The following PLCL1 variants were observed in gnomAD, a reference collection of about 807,000 sequenced individuals.
PLCL1 encodes phospholipase C like 1 (inactive).
Under a neutral mutation model 84.4 loss-of-function variants are expected in PLCL1, and 41 were observed. The observed-to-expected ratio is 0.49, with a 90% CI of 0.38 to 0.63. The LOEUF is 0.63. Ranked by LOEUF, PLCL1 falls within the 30% of genes least tolerant of loss-of-function variation. PLCL1 has a pLI of 0.00. For synonymous variants in PLCL1, 490 were observed against 488.3 expected, an observed-to-expected ratio of 1.00 and a Z score of -0.05; for missense variants, 1,206 against 1,367.8, an observed-to-expected ratio of 0.88 and a Z score of 1.87.
In PLCL1 at chr2:197,805,199, G is replaced by C; in HGVS notation, c.100G>C (p.Val34Leu). 2 of 1,276,922 alleles carry C rather than the reference G, an allele frequency of 1.6e-6. No individual in the cohort carries two copies. The highest frequency in any genetic ancestry group is 2.0e-6 in the Non-Finnish European group (2 of 1,013,762). 79.1% of individuals were successfully genotyped at this position (1,276,922 alleles called of 1,614,324 possible). Reference protein sequence around the residue: ...RVGPDAAGDCVTAASGGRMRD... With the variant: ...RVGPDAAGDCLTAASGGRMRD... ...GGGCCCGGATGCCGCCGGGGACTGC[G>C]TGACGGCGGCCTCTGGGGGCCGGAT... Residue 34 changes from valine (V) to leucine (L), a missense_variant, in exon 1 of 6, where the codon GTG becomes CTG. Transcript: ENST00000428675. The surrounding 1 kb of genome is among the most constrained non-coding windows in gnomAD (Gnocchi z 4.0).
At chr2:198,082,946 C>T (rs1363217268) in intron 1 of PLCL1, among the ~76,000 whole-genome samples, 2 of 152,144 alleles carry the variant, frequency 1.3e-5, no homozygotes, top group Non-Finnish European at 2.9e-5. Flanking sequence ...AACTGGAATT[C>T]TGTAACACTA....
intron 1 of PLCL1, among the ~76,000 whole-genome samples, chr2:198,042,414 T>C (rs1009665171): frequency 6.6e-6 from 1 of 152,222 alleles, no homozygotes; most frequent in Non-Finnish European, 1.5e-5. Context: ...GCACACCAGC[T>C]GAACCGGAAG....
intron 5 of PLCL1, among the ~76,000 whole-genome samples, chr2:198,131,101 C>T (rs551503691): frequency 6.6e-6 from 1 of 152,136 alleles, no homozygotes; most frequent in East Asian, 1.9e-4. Flanking sequence ...TCTCCACTTC[C>T]TCAGTGGCAC....
chr2:198,038,977 G>T (rs968985413), intron 1 of PLCL1, among the ~76,000 whole-genome samples: 2 of 152,070 alleles, frequency 1.3e-5, no homozygotes, highest in African/African-American at 4.8e-5. Context: ...ATATGAAAAG[G>T]TATTTCCACC....
At chr2:198,036,397 T>C (rs1175938050) in intron 1 of PLCL1, among the ~76,000 whole-genome samples, 1 of 152,216 alleles carries the variant, frequency 6.6e-6, no homozygotes, top group Non-Finnish European at 1.5e-5. Flanking sequence ...TAAGTTGAGA[T>C]GCTAGAGAAG....
chr2:198,034,486 CAAT>C (rs1691506645), intron 1 of PLCL1, among the ~76,000 whole-genome samples: 1 of 152,114 alleles, frequency 6.6e-6, no homozygotes, highest in Non-Finnish European at 1.5e-5. Context: ...AAATGTCCAA[CAAT>C]GATAGACTGG....
intron 1 of PLCL1, among the ~76,000 whole-genome samples, chr2:197,979,436 C>T (rs1473629918): frequency 6.6e-6 from 1 of 152,164 alleles, no homozygotes; most frequent in Non-Finnish European, 1.5e-5. Flanking sequence ...ATTACAAGAC[C>T]TCTGAAATCT....
chr2:197,887,549 A>T (rs1407689153), intron 1 of PLCL1, among the ~76,000 whole-genome samples: 5 of 152,152 alleles, frequency 3.3e-5, no homozygotes, highest in Non-Finnish European at 5.9e-5. Context: ...TTTTTCCTAT[A>T]CCATGGTCAA....
intron 1 of PLCL1, among the ~76,000 whole-genome samples, chr2:197,846,773 A>G (rs1687126555): frequency 1.3e-5 from 2 of 152,174 alleles, no homozygotes; most frequent in African/African-American, 2.4e-5. Flanking sequence ...AGGGTGAGAA[A>G]GCAACGAAGT....
chr2:198,112,370 G>T (rs1190786024), intron 5 of PLCL1, among the ~76,000 whole-genome samples: 2 of 151,832 alleles, frequency 1.3e-5, no homozygotes, highest in African/African-American at 2.4e-5. Context: ...AGCCCAGCCA[G>T]CCTCCTCTTG....
intron 1 of PLCL1, among the ~76,000 whole-genome samples, chr2:197,812,960 A>T (rs1015209239): frequency 6.6e-6 from 1 of 152,160 alleles, no homozygotes; most frequent in African/African-American, 2.4e-5. Flanking sequence ...TAACCTGTAT[A>T]CTTAAAGCCC....
intron 1 of PLCL1, among the ~76,000 whole-genome samples, chr2:198,077,341 A>AAAT (rs572434260): frequency 3.4e-4 from 51 of 152,194 alleles, no homozygotes; most frequent in Admixed American, 7.2e-4. Context: ...TAATAATAAA[A>AAAT]AATAATAATA....
At chr2:197,992,218 C>A (rs543970064) in intron 1 of PLCL1, among the ~76,000 whole-genome samples, 2 of 152,188 alleles carry the variant, frequency 1.3e-5, no homozygotes, top group Admixed American at 1.3e-4. Context: ...ATTTTTAAAA[C>A]TGTGGCAAAA....
chr2:197,832,978 C>G (rs765546111), intron 1 of PLCL1, among the ~76,000 whole-genome samples: 3 of 152,122 alleles, frequency 2.0e-5, no homozygotes, highest in Admixed American at 1.3e-4. Flanking sequence ...GCCTGTGATC[C>G]CAGCACTTTG....
chr2:198,135,919 C>T (rs1298037989), intron 5 of PLCL1, among the ~76,000 whole-genome samples: 1 of 152,102 alleles, frequency 6.6e-6, no homozygotes, highest in Non-Finnish European at 1.5e-5. Context: ...AATGTTGTAG[C>T]CTCTAAATTA....
chr2:197,815,818 T>G (rs1690676081), intron 1 of PLCL1, among the ~76,000 whole-genome samples: 1 of 152,098 alleles, frequency 6.6e-6, no homozygotes, highest in Non-Finnish European at 1.5e-5. Context: ...GAATTAGAAG[T>G]GGAGCCTGAA....
chr2:197,947,746 A>G (rs1161473253), intron 1 of PLCL1, among the ~76,000 whole-genome samples: 4 of 152,172 alleles, frequency 2.6e-5, no homozygotes, highest in Non-Finnish European at 5.9e-5. Flanking sequence ...CACACTTAAC[A>G]AAAACCTCCA....
chr2:198,128,541 G>A (rs1694046168), intron 5 of PLCL1, among the ~76,000 whole-genome samples: 1 of 152,126 alleles, frequency 6.6e-6, no homozygotes, highest in Admixed American at 6.5e-5. Context: ...CCGTTCCTGG[G>A]TGGGCATCAC....
intron 1 of PLCL1, among the ~76,000 whole-genome samples, chr2:197,914,091 AGT>A (rs1480646441): frequency 6.6e-6 from 1 of 152,140 alleles, no homozygotes; most frequent in African/African-American, 2.4e-5. Flanking sequence ...AACCACTGAT[AGT>A]GTGGTCTTTC....
Sources: allele counts gnomAD v4.1 joint callset (sites outside exome capture counted in the v4.1 genomes callset), GRCh38; gene constraint gnomAD v4.1.1; non-coding constraint Gnocchi (gnomAD v3.1); transcripts MANE v1.5; gene names NCBI Gene and HGNC (gene_info 2026-07-23, HGNC 2026-07-21).